FRS2: variants seen among roughly 807,000 people sequenced by gnomAD.
FRS2 encodes fibroblast growth factor receptor substrate 2, also known as FGFR signalling adaptor.
FRS2 carries 8 observed loss-of-function variants against 43.9 expected under a neutral mutation model. The ratio of observed to expected loss-of-function variants is 0.18; its 90% confidence interval spans 0.11 to 0.33. The LOEUF is 0.33. Ranked by LOEUF, FRS2 falls within the 10% of genes least tolerant of loss-of-function variation. The probability of loss-of-function intolerance (pLI) is 1.00; values close to 1 mark genes in which losing one functional copy is unlikely to be tolerated. For missense variants in FRS2, 534 were observed against 627.6 expected (o/e 0.85, Z 1.59); for synonymous variants, 219 against 220.3 (o/e 0.99, Z 0.05).
chr12:69,527,819 A>T (rs1876408921), intron 1 of FRS2, among the ~76,000 whole-genome samples: 1 of 152,234 alleles, frequency 6.6e-6, no homozygotes, highest in Non-Finnish European at 1.5e-5. Context: ...GCATTTCGGT[A>T]CAAAAATATT....
At chr12:69,473,545 T>G (rs1374716275) in intron 1 of FRS2, among the ~76,000 whole-genome samples, 8 of 152,256 alleles carry the variant, frequency 5.3e-5, no homozygotes, top group African/African-American at 1.9e-4. Flanking sequence ...GAATTAGAGA[T>G]GAGGTTTGAA....
At chr12:69,523,096 A>C (rs895251326) in intron 1 of FRS2, among the ~76,000 whole-genome samples, 1 of 152,188 alleles carries the variant, frequency 6.6e-6, no homozygotes, top group Non-Finnish European at 1.5e-5. Flanking sequence ...TATCGGGTTC[A>C]TTTGGTCCAG....
At chr12:69,557,619 T>TGTGTGTGTGCGCGCGC (rs1555192498) in intron 3 of FRS2, among the ~76,000 whole-genome samples, 2 of 119,024 alleles carry the variant, frequency 1.7e-5, no homozygotes, top group East Asian at 2.5e-4. Context: ...TGTGTGTGTG[T>TGTGTGTGTGCGCGCGC]GCGCGCGCGC....
intron 1 of FRS2, among the ~76,000 whole-genome samples, chr12:69,493,831 G>GA (rs1032858681): frequency 6.6e-6 from 1 of 152,150 alleles, no homozygotes; most frequent in Admixed American, 6.5e-5. Flanking sequence ...ATTCCCTTTA[G>GA]AAAATACTAG....
At chr12:69,474,426 GA>G (rs34089605) in intron 1 of FRS2, among the ~76,000 whole-genome samples, 17 of 149,214 alleles carry the variant, frequency 1.1e-4, no homozygotes, top group African/African-American at 3.4e-4. Flanking sequence ...AGAGGGGAAA[GA>G]AAAAAAAAAC....
chr12:69,498,567 G>C (rs1418972602), intron 1 of FRS2, among the ~76,000 whole-genome samples: 1 of 141,844 alleles, frequency 7.1e-6, no homozygotes, highest in African/African-American at 2.7e-5. Context: ...TTTTTTGTTT[G>C]TTTCGTTTTT....
chr12:69,502,166 G>T (rs758419378), intron 1 of FRS2, among the ~76,000 whole-genome samples: 1 of 151,848 alleles, frequency 6.6e-6, no homozygotes, highest in African/African-American at 2.4e-5. Context: ...GGGTTTTACC[G>T]TGTTGGCCAG....
At position 69,575,725 on chromosome 12, in the gene FRS2, A is replaced by C. The variant is rs961015283; in HGVS notation, c.*770A>C. The C allele has an allele frequency of 6.6e-6, 1 of 152,626 alleles. No individual in the cohort carries two copies. Among genetic ancestry groups the C allele is most frequent in the African/African-American group, 2.4e-5 (1 of 41,444 alleles). The allele number at this position is 152,626 out of a possible 1,614,324, so 9.5% of individuals were successfully genotyped here. On this transcript the variant is annotated 3_prime_UTR_variant, in exon 9 of 9. Coordinates refer to ENST00000549921, the MANE Select transcript of FRS2 (RefSeq NM_001278356.2). ...AAAATCTGAACCACAATCTCCTGAAAGTTTTTCTCCTATAGATTGTTGACA... is the reference window on the plus strand; with the variant it reads ...AAAATCTGAACCACAATCTCCTGAACGTTTTTCTCCTATAGATTGTTGACA...
At chr12:69,487,652 A>T (rs1438266782) in intron 1 of FRS2, among the ~76,000 whole-genome samples, 1 of 152,224 alleles carries the variant, frequency 6.6e-6, no homozygotes, top group East Asian at 1.9e-4. Context: ...AGTAATTTTG[A>T]CTTTCAAGTC....
chr12:69,545,481 G>A (rs953476154), intron 3 of FRS2, among the ~76,000 whole-genome samples: 26 of 152,130 alleles, frequency 1.7e-4, no homozygotes, highest in African/African-American at 4.3e-4. Flanking sequence ...GAAATAGACC[G>A]ATGTTGTGGC....
chr12:69,503,775 G>A lies in FRS2; in HGVS notation c.-260-27090G>A, dbSNP rs138027702. On this transcript the variant is annotated intron_variant, in intron 1 of 8. Coordinates refer to ENST00000549921, the MANE Select transcript of FRS2 (RefSeq NM_001278356.2). Reference sequence around the variant, plus strand: ...ATGATGGCTTGGAGAAGAAAGCAGAGTGGAAGGGTAGGTTCTCATGCCCTA... The same window carrying A: ...ATGATGGCTTGGAGAAGAAAGCAGAATGGAAGGGTAGGTTCTCATGCCCTA... Among the ~76,000 whole-genome samples, 206 of 152,296 alleles carry A rather than the reference G, an allele frequency of 1.4e-3. 1 individual carries two copies. Among genetic ancestry groups the A allele is most frequent in the African/African-American group, 4.9e-3 (203 of 41,558 alleles).
chr12:69,501,399 A>T lies in FRS2; in HGVS notation c.-260-29466A>T, dbSNP rs1003105279. ...GTGACTCCCGACCAACCAGTGAATC[A>T]TTTTGGCATGTACCATGTTGAAGTT... On this transcript the variant is annotated intron_variant, in intron 1 of 8. Coordinates refer to ENST00000549921, the MANE Select transcript of FRS2 (RefSeq NM_001278356.2). Among the ~76,000 whole-genome samples, 3 of 152,314 alleles carry T rather than the reference A, an allele frequency of 2.0e-5. No individual in the cohort carries two copies. The East Asian group carries it at 5.8e-4, about 29-fold the overall frequency.
intron 4 of FRS2, among the ~76,000 whole-genome samples, chr12:69,565,279 A>T (rs1398262993): frequency 6.6e-6 from 1 of 152,220 alleles, no homozygotes; most frequent in East Asian, 1.9e-4. Context: ...CCGTGGATGG[A>T]GGTTACAGAA....
chr12:69,537,930 T>C (rs1036445249), intron 3 of FRS2: 1 of 152,518 alleles, frequency 6.6e-6, no homozygotes, highest in Non-Finnish European at 1.5e-5. Context: ...TTTTCTTCTT[T>C]CTACCATCAT....
At chr12:69,565,560 TAAGA>T (rs1880221623) in intron 4 of FRS2, among the ~76,000 whole-genome samples, 1 of 152,224 alleles carries the variant, frequency 6.6e-6, no homozygotes, top group Non-Finnish European at 1.5e-5. Context: ...TTATATCCTT[TAAGA>T]TTTTTTTCTG....
chr12:69,562,877 CAG>C (rs965642353), intron 4 of FRS2, among the ~76,000 whole-genome samples: 10 of 151,618 alleles, frequency 6.6e-5, no homozygotes, highest in Admixed American at 1.3e-4. Flanking sequence ...TTTGTGGAGA[CAG>C]AGTCTCACTG....
intron 1 of FRS2, among the ~76,000 whole-genome samples, chr12:69,503,083 A>G (rs546718985): frequency 6.6e-6 from 1 of 152,300 alleles, no homozygotes; most frequent in East Asian, 1.9e-4. Flanking sequence ...TCTTGTCTAT[A>G]GGCTCTGGCA....
chr12:69,526,969 C>T (rs1000761326), intron 1 of FRS2, among the ~76,000 whole-genome samples: 10 of 152,108 alleles, frequency 6.6e-5, no homozygotes, highest in Admixed American at 1.3e-4. Context: ...GTGATCCACC[C>T]GCCTTGGCCT....
At chr12:69,474,619 G>A (rs1467950575) in intron 1 of FRS2, among the ~76,000 whole-genome samples, 1 of 152,172 alleles carries the variant, frequency 6.6e-6, no homozygotes, top group Non-Finnish European at 1.5e-5. Context: ...GCCCTGGGTA[G>A]CAAGAATACT....
Sources: allele counts gnomAD v4.1 joint callset (sites outside exome capture counted in the v4.1 genomes callset), GRCh38; gene constraint gnomAD v4.1.1; transcripts MANE v1.5; gene names NCBI Gene and HGNC (gene_info 2026-07-23, HGNC 2026-07-21).